The following THSD7A variants were observed in gnomAD, a reference collection of about 807,000 sequenced individuals.
The protein encoded by THSD7A is thrombospondin type-1 domain-containing protein 7A.
THSD7A carries 96 observed loss-of-function variants against 231.3 expected under a neutral mutation model. The observed-to-expected ratio is 0.41, with a 90% CI of 0.35 to 0.49. THSD7A has a LOEUF of 0.49. Among genes scored for constraint, THSD7A ranks in the 20% least tolerant of loss-of-function variants. The pLI is 0.05. For synonymous variants in THSD7A, 940 were observed against 743.3 expected (o/e 1.26, Z -4.30); for missense variants, 2,290 against 2,070.2 (o/e 1.11, Z -2.06).
intron 16 of THSD7A, among the ~76,000 whole-genome samples, chr7:11,422,550 C>T (rs1317161390): frequency 7.7e-6 from 1 of 129,474 alleles, no homozygotes; most frequent in African/African-American, 3.0e-5. Context: ...TGAAAAGTTA[C>T]TTTGTTTAGA....
intron 4 of THSD7A, among the ~76,000 whole-genome samples, chr7:11,568,656 C>CAAA (rs1562728058): frequency 0.014 from 1,251 of 88,470 alleles, 107 homozygotes; most frequent in Middle Eastern, 0.038. Context: ...AAAAAAAAAC[C>CAAA]AAAATCTGGA....
In THSD7A at chr7:11,818,264, T is replaced by C. The variant is rs58986411; in HGVS notation, c.190+13493A>G. ...ATTAGAAAGCCCTGTATTGGCCACA[T>C]ACCATAAGTTAAACTATTTTAGCTA... On this transcript the variant is annotated intron_variant, in intron 1 of 27. Coordinates refer to ENST00000423059, the MANE Select transcript of THSD7A (RefSeq NM_015204.3). 2.9e-3 allele frequency among the ~76,000 whole-genome samples: 438 copies of C among 152,324 alleles called. 3 individuals are homozygous for C. Among genetic ancestry groups the C allele is most frequent in the African/African-American group, 9.7e-3 (403 of 41,578 alleles).
intron 6 of THSD7A, among the ~76,000 whole-genome samples, chr7:11,501,221 T>C (rs1334409383): frequency 1.3e-5 from 2 of 152,120 alleles, no homozygotes; most frequent in Non-Finnish European, 2.9e-5. Flanking sequence ...AGACAGATCA[T>C]TGAGGCAGAA....
At chr7:11,718,633 T>TAGAG (rs1781228097) in intron 1 of THSD7A, among the ~76,000 whole-genome samples, 1 of 151,686 alleles carries the variant, frequency 6.6e-6, no homozygotes, top group Non-Finnish European at 1.5e-5. Context: ...CCATAGGTCC[T>TAGAG]GATATAGAAT....
chr7:11,691,710 T>C lies in THSD7A; in HGVS notation c.191-54749A>G, dbSNP rs540528408. On this transcript the variant is annotated intron_variant, in intron 1 of 27. Transcript: ENST00000423059. ...GTACTGTATTTTGGATGAGTAAATA[T>C]GTTTATTCAGTCATATTATTTAATT... Among the ~76,000 whole-genome samples the C allele has an allele frequency of 5.3e-5, 8 of 151,594 alleles. No homozygotes were observed. The South Asian group carries it at 1.2e-3, about 24-fold the overall frequency.
At chr7:11,538,328 A>C (rs52) in intron 6 of THSD7A, among the ~76,000 whole-genome samples, 1 of 152,038 alleles carries the variant, frequency 6.6e-6, no homozygotes, top group Non-Finnish European at 1.5e-5. Flanking sequence ...ACACATGATA[A>C]GGAAATATAG....
chr7:11,400,285 A>G (rs1015352969), intron 23 of THSD7A, among the ~76,000 whole-genome samples: 1 of 152,128 alleles, frequency 6.6e-6, no homozygotes, highest in Non-Finnish European at 1.5e-5. Context: ...TGTTGTGCAC[A>G]TGTACCTTAG....
chr7:11,793,905 A>C (rs1784042181), intron 1 of THSD7A, among the ~76,000 whole-genome samples: 1 of 151,924 alleles, frequency 6.6e-6, no homozygotes, highest in Non-Finnish European at 1.5e-5. Context: ...AAAACTAACA[A>C]TATACATATG....
At chr7:11,544,420 G>A (rs1056443402) in intron 4 of THSD7A, among the ~76,000 whole-genome samples, 4 of 152,044 alleles carry the variant, frequency 2.6e-5, no homozygotes, top group Non-Finnish European at 4.4e-5. Context: ...CTCATGATTG[G>A]GTGAGCCCAC....
chr7:11,715,761 A>T (rs918889966), intron 1 of THSD7A, among the ~76,000 whole-genome samples: 82 of 151,438 alleles, frequency 5.4e-4, no homozygotes, highest in African/African-American at 1.9e-3. Context: ...GAAATAAAAA[A>T]CCACAAGGGT....
intron 6 of THSD7A, among the ~76,000 whole-genome samples, chr7:11,488,144 A>G (rs902477253): frequency 6.6e-6 from 1 of 152,132 alleles, no homozygotes; most frequent in African/African-American, 2.4e-5. Flanking sequence ...TAATTTTGAG[A>G]TTAGATTTCT....
intron 15 of THSD7A, among the ~76,000 whole-genome samples, chr7:11,425,731 T>TACACACAC (rs3086973): frequency 0.033 from 4,803 of 145,760 alleles, 123 homozygotes; most frequent in African/African-American, 0.065. Flanking sequence ...TCCCTTATTT[T>TACACACAC]ACACACACAC....
At chr7:11,424,467 T>C (rs1215589878) in intron 16 of THSD7A, among the ~76,000 whole-genome samples, 1 of 152,238 alleles carries the variant, frequency 6.6e-6, no homozygotes, top group Non-Finnish European at 1.5e-5. Context: ...GTTCCTTCTC[T>C]TTAAGAGTAT....
At chr7:11,740,545 T>A (rs939285825) in intron 1 of THSD7A, among the ~76,000 whole-genome samples, 2 of 151,902 alleles carry the variant, frequency 1.3e-5, no homozygotes, top group Admixed American at 6.6e-5. Flanking sequence ...GAGCTTCTTT[T>A]CCCCCTCAGC....
chr7:11,471,415 A>G (rs886859901), intron 8 of THSD7A, among the ~76,000 whole-genome samples: 5 of 152,034 alleles, frequency 3.3e-5, no homozygotes, highest in African/African-American at 1.2e-4. Flanking sequence ...AAAAAAGTCA[A>G]CATCATTAAT....
chr7:11,524,618 C>G (rs183655559), intron 6 of THSD7A, among the ~76,000 whole-genome samples: 1 of 152,192 alleles, frequency 6.6e-6, no homozygotes, highest in African/African-American at 2.4e-5. Context: ...GGCTAGCCAG[C>G]CGGAAACAGA....
intron 2 of THSD7A, among the ~76,000 whole-genome samples, chr7:11,594,488 G>C (rs1174069361): frequency 1.3e-5 from 2 of 152,134 alleles, no homozygotes; most frequent in Non-Finnish European, 2.9e-5. Flanking sequence ...AACACTCATA[G>C]TCCTTGGTGT....
rs544485745 is a variant in THSD7A at position 11,832,002 on chromosome 7, T to C, written c.-56A>G. The C allele has an allele frequency of 8.7e-7, 1 of 1,148,094 alleles. No homozygotes were observed. The highest frequency in any genetic ancestry group is 3.4e-5 in the East Asian group (1 of 29,758). The allele number at this position is 1,148,094 out of a possible 1,614,324, so 71.1% of individuals were successfully genotyped here. On this transcript the variant is annotated 5_prime_UTR_variant, in exon 1 of 28. Coordinates refer to ENST00000423059, the MANE Select transcript of THSD7A (RefSeq NM_015204.3). ...CGTAGCACGCTCGGCAGGGAATTTT[T>C]CTCCGCTCTTGGAACGTCTTTTCAA...
Position 11,719,668 on chromosome 7 carries a change from G to A in THSD7A, c.191-82707C>T, listed in dbSNP as rs959450081. 3.3e-5 allele frequency among the ~76,000 whole-genome samples: 5 copies of A among 151,500 alleles called. No homozygotes were observed. In the South Asian group the frequency reaches 1.0e-3, roughly 32 times the overall value. On this transcript the variant is annotated intron_variant, in intron 1 of 27. Coordinates refer to ENST00000423059, the MANE Select transcript of THSD7A (RefSeq NM_015204.3). Reference sequence around the variant, plus strand: ...CTCCACTCCAGTCATTAGAACTGTGGCCACAAACCAGGTCTACTCCACATT... The same window carrying A: ...CTCCACTCCAGTCATTAGAACTGTGACCACAAACCAGGTCTACTCCACATT...
Sources: allele counts gnomAD v4.1 joint callset (sites outside exome capture counted in the v4.1 genomes callset), GRCh38; gene constraint gnomAD v4.1.1; transcripts MANE v1.5; gene names NCBI Gene and HGNC (gene_info 2026-07-23, HGNC 2026-07-21).